The following PCDH15 variants were observed in gnomAD, a reference collection of about 807,000 sequenced individuals.
The protein encoded by PCDH15 is protocadherin related 15, also known as protocadherin-15.
PCDH15 carries 129 observed loss-of-function variants against 178.5 expected under a neutral mutation model. That is an observed-to-expected ratio of 0.72 (90% CI 0.63 to 0.84). The LOEUF is 0.84. PCDH15 is among the 40% of genes least tolerant of loss of function. The probability of loss-of-function intolerance (pLI) is 0.00; values close to 1 mark genes in which losing one functional copy is unlikely to be tolerated. For synonymous variants in PCDH15, 800 were observed against 732.0 expected, an observed-to-expected ratio of 1.09 and a Z score of -1.50; for missense variants, 2,230 against 2,099.9, an observed-to-expected ratio of 1.06 and a Z score of -1.21.
intron 8 of PCDH15, among the ~76,000 whole-genome samples, chr10:54,242,977 A>G (rs1286222937): frequency 1.3e-5 from 2 of 152,262 alleles, no homozygotes; most frequent in East Asian, 3.9e-4. Flanking sequence ...ACATCATAGT[A>G]TTTGGAGAAA....
At chr10:54,405,666 A>G (rs1952559874) in intron 3 of PCDH15, among the ~76,000 whole-genome samples, 1 of 151,914 alleles carries the variant, frequency 6.6e-6, no homozygotes, top group Non-Finnish European at 1.5e-5. Context: ...AAACATGGAC[A>G]TGTACTCCTG....
intron 2 of PCDH15, among the ~76,000 whole-genome samples, chr10:55,159,400 C>T (rs1838997646): frequency 8.0e-6 from 1 of 124,636 alleles, no homozygotes; most frequent in Non-Finnish European, 1.8e-5. Context: ...CACACATACA[C>T]ATTATATATA....
chr10:54,755,025 T>C (rs1286147595), intron 1 of PCDH15, among the ~76,000 whole-genome samples: 1 of 141,930 alleles, frequency 7.0e-6, no homozygotes, highest in Non-Finnish European at 1.5e-5. Context: ...CTTGGCTCAC[T>C]GCAACCTCTG....
At chr10:54,539,839 C>T (rs1219788) in intron 2 of PCDH15, among the ~76,000 whole-genome samples, 84,842 of 151,926 alleles carry the variant, frequency 0.56, 24,517 homozygotes, top group African/African-American at 0.69. Context: ...AAAATAGAAA[C>T]CTATAACAAG....
intron 17 of PCDH15, among the ~76,000 whole-genome samples, chr10:54,073,547 AAAT>A (rs2094286576): frequency 6.6e-6 from 1 of 152,120 alleles, no homozygotes; most frequent in Non-Finnish European, 1.5e-5. Context: ...GAAATTTAGG[AAAT>A]AATATTGCTT....
intron 37 of PCDH15, 35 bp from the exon 38 acceptor site, chr10:53,807,165 CAAAT>C: frequency 4.0e-6 from 6 of 1,491,168 alleles, no homozygotes; most frequent in Non-Finnish European, 5.4e-6. Flanking sequence ...GAGTCACTAT[CAAAT>C]AAATTAAAAA....
chr10:55,280,958 T>C (rs1363955851), intron 1 of PCDH15, among the ~76,000 whole-genome samples: 1 of 152,192 alleles, frequency 6.6e-6, no homozygotes, highest in African/African-American at 2.4e-5. Flanking sequence ...GCATAATGGA[T>C]TTTTAAAAGT....
intron 2 of PCDH15, among the ~76,000 whole-genome samples, chr10:54,946,842 C>T (rs1282398775): frequency 2.6e-5 from 4 of 151,746 alleles, no homozygotes; most frequent in Admixed American, 6.6e-5. Context: ...CCTTGTGCTC[C>T]TCTAATAAAA....
chr10:54,198,056 G>C (rs2049851744), intron 10 of PCDH15, among the ~76,000 whole-genome samples: 1 of 152,144 alleles, frequency 6.6e-6, no homozygotes, highest in African/African-American at 2.4e-5. Context: ...AACGCTTTAA[G>C]ATCCTGCTCA....
intron 3 of PCDH15, among the ~76,000 whole-genome samples, chr10:54,845,321 T>C (rs563004915): frequency 1.0e-3 from 154 of 152,112 alleles, no homozygotes; most frequent in African/African-American, 3.5e-3. Flanking sequence ...AAGACATTAG[T>C]GTACTTCACA....
intron 2 of PCDH15, among the ~76,000 whole-genome samples, chr10:55,582,009 G>A (rs1424049890): frequency 6.6e-6 from 1 of 152,144 alleles, no homozygotes; most frequent in Non-Finnish European, 1.5e-5. Context: ...TGTAATGGTG[G>A]AATGTAATTG....
At chr10:53,891,493 C>G (rs1010830634) in intron 26 of PCDH15, among the ~76,000 whole-genome samples, 1 of 152,132 alleles carries the variant, frequency 6.6e-6, no homozygotes, top group Non-Finnish European at 1.5e-5. Flanking sequence ...TAATAAATTT[C>G]TAATACTGCT....
intron 3 of PCDH15, among the ~76,000 whole-genome samples, chr10:54,877,752 T>C (rs1954172147): frequency 6.6e-6 from 1 of 152,128 alleles, no homozygotes; most frequent in African/African-American, 2.4e-5. Flanking sequence ...ATATAGTTTA[T>C]ATCCCTTCCA....
intron 8 of PCDH15, among the ~76,000 whole-genome samples, chr10:54,285,265 A>T (rs1179381613): frequency 2.0e-5 from 3 of 151,980 alleles, no homozygotes; most frequent in African/African-American, 7.3e-5. Context: ...AGAAAAAAAA[A>T]ACAATCAGCA....
At chr10:54,654,524 T>C (rs1482192744) in intron 2 of PCDH15, among the ~76,000 whole-genome samples, 1 of 152,138 alleles carries the variant, frequency 6.6e-6, no homozygotes, top group African/African-American at 2.4e-5. Flanking sequence ...CTGGAAGCCA[T>C]AGAGAGTGCA....
intron 2 of PCDH15, among the ~76,000 whole-genome samples, chr10:55,490,778 CAA>C (rs1398605898): frequency 6.6e-6 from 1 of 151,554 alleles, no homozygotes; most frequent in African/African-American, 2.4e-5. Context: ...AAGCATAACA[CAA>C]TGGTTCCAAG....
chr10:55,542,387 G>A (rs948205029), intron 2 of PCDH15, among the ~76,000 whole-genome samples: 1 of 150,542 alleles, frequency 6.6e-6, no homozygotes, highest in Non-Finnish European at 1.5e-5. Context: ...TATATATAGT[G>A]TGTACATGGA....
chr10:54,223,166 C>T (rs2053040539), intron 9 of PCDH15, among the ~76,000 whole-genome samples: 1 of 151,880 alleles, frequency 6.6e-6, no homozygotes, highest in African/African-American at 2.4e-5. Flanking sequence ...AGAGAATCAG[C>T]CAGGCATGGT....
Position 54,462,733 on chromosome 10 carries a change from A to G in PCDH15, c.157+65079T>C, listed in dbSNP as rs999229596. On this transcript the variant is annotated intron_variant, in intron 3 of 37. Transcript: ENST00000644397. ...TTTTAAGTAGAGACAGGGTTTTGCT[A>G]TGTGGCCCGGCTGGTCTCAAGTTCC... Among the ~76,000 whole-genome samples, 6 of 93,420 alleles carry G rather than the reference A, an allele frequency of 6.4e-5. No homozygotes were observed. The South Asian group carries it at 1.5e-3, about 23-fold the overall frequency. 61.3% of individuals were successfully genotyped at this position (93,420 alleles called of 152,430 possible).
Sources: allele counts gnomAD v4.1 joint callset (sites outside exome capture counted in the v4.1 genomes callset), GRCh38; gene constraint gnomAD v4.1.1; transcripts MANE v1.5; gene names NCBI Gene and HGNC (gene_info 2026-07-23, HGNC 2026-07-21).